RNF180: variants seen among roughly 807,000 people sequenced by gnomAD.
RNF180 encodes the protein ring finger protein 180, also known as E3 ubiquitin-protein ligase RNF180.
RNF180 carries 38 observed loss-of-function variants against 59.2 expected under a neutral mutation model. The observed-to-expected ratio is 0.64, with a 90% confidence interval of 0.50 to 0.84. The LOEUF is 0.84. Among genes scored for constraint, RNF180 ranks in the 40% least tolerant of loss-of-function variants. The pLI is 0.00. For missense variants in RNF180, 705 were observed against 700.9 expected (o/e 1.01, Z -0.07); for synonymous variants, 262 against 240.3 (o/e 1.09, Z -0.84).
At chr5:64,231,326 A>G (rs1352486449) in intron 5 of RNF180, among the ~76,000 whole-genome samples, 7 of 152,232 alleles carry the variant, frequency 4.6e-5, no homozygotes, top group Admixed American at 4.6e-4. Context: ...TTTATTAATG[A>G]CAAAGACAAT....
chr5:64,309,091 T>C lies in RNF180; in HGVS notation c.1228-16095T>C, dbSNP rs1182031178. Among the ~76,000 whole-genome samples, 4 of 151,722 alleles carry C rather than the reference T, an allele frequency of 2.6e-5. 1 individual carries two copies. The highest frequency in any genetic ancestry group is 2.6e-4 in the Admixed American group (4 of 15,176). The stretch of plus-strand genomic sequence containing the variant: ...GTCTATTAATGTATTTCCTCCAACA[T>C]TAATAGATGTATTTCCATATTTTGG... On this transcript the variant is annotated intron_variant, in intron 5 of 7. Transcript: ENST00000389100.
intron 7 of RNF180, among the ~76,000 whole-genome samples, chr5:64,365,527 C>T (rs1561282704): frequency 6.6e-6 from 1 of 151,412 alleles, no homozygotes; most frequent in Non-Finnish European, 1.5e-5. Context: ...AAGTTCAGGT[C>T]CCGAATATCT....
chr5:64,190,602 C>G (rs533647114), intron 1 of RNF180, among the ~76,000 whole-genome samples: 1 of 152,108 alleles, frequency 6.6e-6, no homozygotes, highest in African/African-American at 2.4e-5. Context: ...GTCCTCTCCC[C>G]TAAATCCATA....
intron 5 of RNF180, among the ~76,000 whole-genome samples, chr5:64,269,435 T>C (rs1286795514): frequency 5.3e-5 from 8 of 152,198 alleles, no homozygotes; most frequent in Non-Finnish European, 1.5e-5. Context: ...GCAGCACACT[T>C]GCAGCAAATT....
In RNF180 at chr5:64,202,528, G is replaced by GGT. The variant is rs1025620991; in HGVS notation, c.135+1587_135+1588dup. On this transcript the variant is annotated intron_variant, in intron 2 of 7. Coordinates refer to ENST00000389100, the MANE Select transcript of RNF180 (RefSeq NM_001113561.2). ...AGGAATGGATTTTTGGGGTCATGGG[G>GGT]GTAGGTATAGTTTAATTTCTTAAGA... Among the ~76,000 whole-genome samples the GGT allele has an allele frequency of 3.9e-5, 6 of 152,028 alleles. 1 individual carries two copies. The highest frequency in any genetic ancestry group is 9.7e-5 in the African/African-American group (4 of 41,374).
chr5:64,327,147 A>G (rs563539976), intron 6 of RNF180, among the ~76,000 whole-genome samples: 1 of 152,044 alleles, frequency 6.6e-6, no homozygotes, highest in Admixed American at 6.6e-5. Context: ...GTGTTGTGAC[A>G]TCTTTTTTGT....
chr5:64,208,710 C>T (rs544447824), intron 2 of RNF180, among the ~76,000 whole-genome samples: 6 of 151,966 alleles, frequency 3.9e-5, no homozygotes, highest in Non-Finnish European at 8.8e-5. Flanking sequence ...TTTCAGAAAA[C>T]GAAACAATGC....
chr5:64,248,950 T>G (rs888208973), intron 5 of RNF180, among the ~76,000 whole-genome samples: 2 of 152,110 alleles, frequency 1.3e-5, no homozygotes, highest in Non-Finnish European at 2.9e-5. Flanking sequence ...TCATTTCCTC[T>G]CCAGGGACGA....
chr5:64,288,915 T>C lies in RNF180; in HGVS notation c.1228-36271T>C, dbSNP rs143192135. ...CTTGCCTGATTGCCCTGACCAGAAC[T>C]TCTAATACTATGTTGAATAGGAGTG... On this transcript the variant is annotated intron_variant, in intron 5 of 7. Transcript: ENST00000389100. Among the ~76,000 whole-genome samples the C allele has an allele frequency of 6.9e-3, 1,048 of 152,328 alleles. 13 individuals are homozygous for C. Among genetic ancestry groups the C allele is most frequent in the African/African-American group, 0.022 (928 of 41,562 alleles).
chr5:64,168,754 A>C (rs960565970), intron 1 of RNF180, among the ~76,000 whole-genome samples: 4 of 152,192 alleles, frequency 2.6e-5, no homozygotes, highest in Admixed American at 6.5e-5. Context: ...TAAAATTGCT[A>C]TTTCCAAAAA....
chr5:64,200,767 T>C, intron 1 of RNF180, 41 bp from the exon 2 acceptor site: 5 of 1,572,112 alleles, frequency 3.2e-6, no homozygotes, highest in Non-Finnish European at 4.3e-6. Flanking sequence ...CCAGTTTATC[T>C]GACAGTTTAA....
At chr5:64,216,044 G>A (rs72752809) in intron 4 of RNF180, among the ~76,000 whole-genome samples, 11,589 of 151,782 alleles carry the variant, frequency 0.076, 633 homozygotes, top group Non-Finnish European at 0.12. Context: ...ATATGATATA[G>A]CTTAATTGAT....
intron 1 of RNF180, among the ~76,000 whole-genome samples, chr5:64,186,538 CAT>C (rs1390673720): frequency 6.6e-6 from 1 of 152,114 alleles, no homozygotes; most frequent in Non-Finnish European, 1.5e-5. Context: ...CTCACCCTCT[CAT>C]ATGCTTTCAT....
intron 7 of RNF180, among the ~76,000 whole-genome samples, chr5:64,354,695 A>G (rs1745948355): frequency 6.6e-6 from 1 of 151,936 alleles, no homozygotes; most frequent in Non-Finnish European, 1.5e-5. Flanking sequence ...ATTCTCTGCA[A>G]AATACTAACA....
At chr5:64,363,637 A>G (rs759000689) in intron 7 of RNF180, among the ~76,000 whole-genome samples, 1 of 151,572 alleles carries the variant, frequency 6.6e-6, no homozygotes, top group Non-Finnish European at 1.5e-5. Flanking sequence ...GTCATTGGTA[A>G]TTTGCTAGGA....
chr5:64,182,240 T>C (rs2968286), intron 1 of RNF180, among the ~76,000 whole-genome samples: 121,291 of 151,982 alleles, frequency 0.8, 49,227 homozygotes, highest in African/African-American at 0.95. Context: ...ATCTGCCCGC[T>C]TTGGCCTCCC....
chr5:64,342,285 C>A (rs1251256374), intron 7 of RNF180, among the ~76,000 whole-genome samples: 3 of 152,036 alleles, frequency 2.0e-5, no homozygotes, highest in Non-Finnish European at 2.9e-5. Flanking sequence ...TGATCAGAGC[C>A]CCCTAAGAAA....
intron 5 of RNF180, among the ~76,000 whole-genome samples, chr5:64,308,319 T>A (rs1361977030): frequency 2.0e-5 from 3 of 151,718 alleles, no homozygotes; most frequent in East Asian, 1.9e-4. Flanking sequence ...AGCAAAAAAC[T>A]GTAATCTTAT....
Position 64,325,232 on chromosome 5 carries a change from A to G in RNF180, c.1274A>G (p.Glu425Gly), listed in dbSNP as rs752367627. ...ACAGATGAAGACAATGAATATGCAG[A>G]AGAAAAGGATAGCTACATCTGTGCA... ...MSTDEDNEYAEEKDSYICAVC... is the reference protein window; with the variant it reads ...MSTDEDNEYAGEKDSYICAVC... Residue 425 changes from glutamate to glycine, a missense_variant, in exon 6 of 8, where the codon GAA becomes GGA. By Grantham distance (98) the Glu-to-Gly change is moderately conservative. Transcript: ENST00000389100. 1.5e-5 allele frequency: 24 copies of G among 1,551,512 alleles called. No individual in the cohort carries two copies. Among genetic ancestry groups the G allele is most frequent in the Non-Finnish European group, 2.1e-5 (24 of 1,146,854 alleles).
Sources: gnomAD v4.1 joint callset for allele counts (sites outside exome capture counted in the v4.1 genomes callset) on GRCh38, gnomAD v4.1.1 for gene constraint, MANE v1.5 for transcripts, NCBI Gene and HGNC (gene_info 2026-07-23, HGNC 2026-07-21) for gene names.